Variants in XCL1 observed in about 807,000 individuals in gnomAD.
The protein encoded by XCL1 is X-C motif chemokine ligand 1, also known as lymphotactin.
XCL1 carries 6 observed loss-of-function variants against 7.4 expected under a neutral mutation model. That is an observed-to-expected ratio of 0.82 (90% CI 0.45 to 1.61). The LOEUF is 1.61. Among genes scored for constraint, XCL1 ranks in the 40% most tolerant of loss-of-function variants. The probability of loss-of-function intolerance (pLI) is 0.01; values close to 1 mark genes in which losing one functional copy is unlikely to be tolerated. For synonymous variants in XCL1, 48 were observed against 52.4 expected (o/e 0.92, Z 0.36); for missense variants, 122 against 138.2 (o/e 0.88, Z 0.59).
chr1:168,580,454 C>T (rs769586698), intron 2 of XCL1, among the ~76,000 whole-genome samples: 81 of 152,264 alleles, frequency 5.3e-4, no homozygotes, highest in African/African-American at 1.4e-3. Context: ...AGCTCTGAGA[C>T]CTGGGTTTAG....
chr1:168,577,132 G>T (rs1398143817), intron 1 of XCL1, among the ~76,000 whole-genome samples: 11 of 152,234 alleles, frequency 7.2e-5, no homozygotes, highest in African/African-American at 2.6e-4. Context: ...TGTAGGTTTT[G>T]CCCATTTAAT....
chr1:168,578,611 T>C (rs1655081468), intron 1 of XCL1: 1 of 197,106 alleles, frequency 5.1e-6, no homozygotes, highest in Non-Finnish European at 1.0e-5. Context: ...TTTGGAGAGT[T>C]TTTATTATTT....
intron 1 of XCL1, 26 bp from the exon 2 acceptor site, chr1:168,580,037 G>A: frequency 1.3e-6 from 2 of 1,595,834 alleles, no homozygotes; most frequent in South Asian, 2.2e-5. Context: ...ATTTTTAATT[G>A]TCTGTTGTTT....
In XCL1 at chr1:168,581,969, G is replaced by A. The variant is rs910422314; in HGVS notation, c.*749G>A. On this transcript the variant is annotated 3_prime_UTR_variant, in exon 3 of 3. Coordinates refer to ENST00000367818, the MANE Select transcript of XCL1 (RefSeq NM_002995.3). ...TATCATGCATGTTATGCTTTACTGC[G>A]AATAAGCTTTTAATGCTCCAAATGC... 4.6e-5 allele frequency: 7 copies of A among 152,254 alleles called. No homozygotes were observed. The South Asian group carries it at 1.0e-3, about 23-fold the overall frequency. 9.4% of individuals were successfully genotyped at this position (152,254 alleles called of 1,614,324 possible).
rs1277845038 is a variant in XCL1, at chr1:168,577,576, T to G, written c.61+878T>G. On this transcript the variant is annotated intron_variant, in intron 1 of 2. Transcript: ENST00000367818. ...GTGTTCTAGTTGGTAGGCTTATTAC[T>G]TAGACTATGATATTATAACTTAATA... Among the ~76,000 whole-genome samples, 4 of 152,182 alleles carry G rather than the reference T, an allele frequency of 2.6e-5. No individual in the cohort carries two copies. The East Asian group carries it at 5.8e-4, about 22-fold the overall frequency.
intron 1 of XCL1, 123 bp downstream of exon 1, chr1:168,576,821 C>T (rs1265158501): frequency 1.4e-5 from 18 of 1,297,038 alleles, no homozygotes; most frequent in Non-Finnish European, 1.8e-5. Context: ...CTTAAACTTC[C>T]CATGTGCAAG....
At chr1:168,580,480 G>A (rs1057172696) in intron 2 of XCL1, among the ~76,000 whole-genome samples, 1 of 152,144 alleles carries the variant, frequency 6.6e-6, no homozygotes, top group Admixed American at 6.5e-5. Context: ...ACTGGCCCAT[G>A]TCAGGGTTTC....
At chr1:168,580,971 C>G in intron 2 of XCL1, 81 bp from the exon 3 acceptor site, 1 of 1,536,884 alleles carries the variant, frequency 6.5e-7, no homozygotes, top group Non-Finnish European at 8.8e-7. Context: ...AAGATCTCTT[C>G]ATGTCTGCCC....
chr1:168,581,025 T>A (rs766102600), intron 2 of XCL1, 27 bp from the exon 3 acceptor site: 8 of 1,610,404 alleles, frequency 5.0e-6, no homozygotes, highest in Non-Finnish European at 6.8e-6. Flanking sequence ...TGTGGCTAAC[T>A]TCGTCTGTCT....
intron 1 of XCL1, 122 bp downstream of exon 1, chr1:168,576,820 C>G: frequency 7.7e-7 from 1 of 1,304,360 alleles, no homozygotes; most frequent in Non-Finnish European, 1.1e-6. Context: ...CCTTAAACTT[C>G]CCATGTGCAA....
chr1:168,577,923 C>A (rs543007030), intron 1 of XCL1, among the ~76,000 whole-genome samples: 2 of 152,262 alleles, frequency 1.3e-5, no homozygotes, highest in East Asian at 3.9e-4. Flanking sequence ...GGAAAACGGT[C>A]TCTGCTTTGA....
chr1:168,582,031 G>A lies in XCL1; in HGVS notation c.*811G>A, dbSNP rs1258716925. On this transcript the variant is annotated 3_prime_UTR_variant, in exon 3 of 3. Coordinates refer to ENST00000367818, the MANE Select transcript of XCL1 (RefSeq NM_002995.3). ...ATATTTCCTCATGTGATCACAATTT[G>A]CAGTAAACTTTTAATTAAATGCTCA... The A allele has an allele frequency of 1.3e-5, 2 of 152,146 alleles. No individual in the cohort carries two copies. The highest frequency in any genetic ancestry group is 1.3e-4 in the Admixed American group (2 of 15,272). 9.4% of individuals were successfully genotyped at this position (152,146 alleles called of 1,614,324 possible).
chr1:168,577,471 G>A (rs1236042996), intron 1 of XCL1, among the ~76,000 whole-genome samples: 3 of 152,002 alleles, frequency 2.0e-5, no homozygotes, highest in Non-Finnish European at 2.9e-5. Flanking sequence ...CAGATATACC[G>A]AGCCCTTACC....
intron 1 of XCL1, among the ~76,000 whole-genome samples, chr1:168,578,133 CT>C (rs893888958): frequency 6.6e-6 from 1 of 152,084 alleles, no homozygotes; most frequent in Non-Finnish European, 1.5e-5. Flanking sequence ...CAGATTTTTC[CT>C]CTTTCATTGG....
At chr1:168,579,498 T>C (rs1359462366) in intron 1 of XCL1, 1 of 177,674 alleles carries the variant, frequency 5.6e-6, no homozygotes, top group African/African-American at 2.4e-5. Flanking sequence ...CACCTTTATT[T>C]AGTCTGTCAA....
chr1:168,578,765 T>G (rs2300299), intron 1 of XCL1: 273,319 of 457,528 alleles, frequency 0.6, 84,154 homozygotes, highest in African/African-American at 0.75. Flanking sequence ...CATTGTAATT[T>G]GTCCTGATAG....
chr1:168,577,117 G>A (rs1349479303), intron 1 of XCL1, among the ~76,000 whole-genome samples: 1 of 152,152 alleles, frequency 6.6e-6, no homozygotes, highest in Admixed American at 6.5e-5. Context: ...GATTATAAAT[G>A]CATTTGTAGG....
intron 1 of XCL1, among the ~76,000 whole-genome samples, chr1:168,578,006 G>A (rs560361208): frequency 1.3e-5 from 2 of 152,294 alleles, no homozygotes; most frequent in African/African-American, 4.8e-5. Flanking sequence ...CTGACAATAA[G>A]GAAAAGGCTT....
rs145073237 is a variant in XCL1, at chr1:168,580,110, A to G, written c.109A>G (p.Thr37Ala). The G allele has an allele frequency of 1.0e-3, 1,673 of 1,613,768 alleles. No individual in the cohort carries two copies. Among genetic ancestry groups the G allele is most frequent in the Non-Finnish European group, 9.0e-4 (1,064 of 1,179,776 alleles). ...TAAGAGGACCTGTGTGAGCCTCACT[A>G]CCCAGCGACTGCCGGTTAGCAGAAT... Reference protein sequence around the residue: ...SDKRTCVSLTTQRLPVSRIKT... With the variant: ...SDKRTCVSLTAQRLPVSRIKT... The change falls in exon 2 of 3, where the codon ACC (threonine) becomes GCC (alanine). Residue 37 changes from threonine to alanine, a missense_variant. Coordinates refer to ENST00000367818, the MANE Select transcript of XCL1 (RefSeq NM_002995.3).
Sources: gnomAD v4.1 joint callset for allele counts (sites outside exome capture counted in the v4.1 genomes callset) on GRCh38, gnomAD v4.1.1 for gene constraint, MANE v1.5 for transcripts, NCBI Gene and HGNC (gene_info 2026-07-23, HGNC 2026-07-21) for gene names.